Variants in ARHGAP42 observed in about 807,000 individuals in gnomAD.
ARHGAP42 encodes Rho GTPase activating protein 42.
ARHGAP42 carries 63 observed loss-of-function variants against 125.0 expected under a neutral mutation model. That is an observed-to-expected ratio of 0.50 (90% CI 0.41 to 0.62). The LOEUF (loss-of-function observed/expected upper bound fraction) is 0.62. Among genes scored for constraint, ARHGAP42 ranks in the 20% least tolerant of loss-of-function variants. The probability of loss-of-function intolerance (pLI) is 0.00; values close to 1 mark genes in which losing one functional copy is unlikely to be tolerated. For missense variants in ARHGAP42, 766 were observed against 1,024.2 expected (o/e 0.75, Z 3.44); for synonymous variants, 339 against 351.0 (o/e 0.97, Z 0.38).
chr11:100,778,669 T>TA (rs1214482821), intron 2 of ARHGAP42, among the ~76,000 whole-genome samples: 7 of 151,986 alleles, frequency 4.6e-5, no homozygotes, highest in South Asian at 2.1e-4. Context: ...GTTCCTCTCT[T>TA]AAAAAAAACA....
At chr11:100,980,789 T>A (rs1211520841) in intron 22 of ARHGAP42, among the ~76,000 whole-genome samples, 1 of 151,958 alleles carries the variant, frequency 6.6e-6, no homozygotes, top group Non-Finnish European at 1.5e-5. Flanking sequence ...CAGGCTGGTC[T>A]TGAACTCCTG....
At chr11:100,868,506 A>G (rs769889812) in intron 4 of ARHGAP42, among the ~76,000 whole-genome samples, 6 of 152,234 alleles carry the variant, frequency 3.9e-5, no homozygotes, top group Non-Finnish European at 7.4e-5. Context: ...ACTGAAGTGC[A>G]AAGAAGTTAA....
At chr11:100,722,741 G>T (rs373670716) in intron 1 of ARHGAP42, among the ~76,000 whole-genome samples, 1 of 152,174 alleles carries the variant, frequency 6.6e-6, no homozygotes. Context: ...TTTACTTCCA[G>T]TCTACAGCTT....
chr11:100,697,404 C>G (rs1051614177), intron 1 of ARHGAP42, among the ~76,000 whole-genome samples: 2 of 151,952 alleles, frequency 1.3e-5, no homozygotes, highest in Admixed American at 6.6e-5. Context: ...GGATGGTCTC[C>G]ATCTCCTGAC....
chr11:100,811,827 T>G (rs942457501), intron 3 of ARHGAP42, among the ~76,000 whole-genome samples: 18 of 152,168 alleles, frequency 1.2e-4, no homozygotes, highest in Admixed American at 1.0e-3. Context: ...TTGTCTTCTG[T>G]GACTGTATAC....
chr11:100,785,382 C>T (rs1201667005), intron 2 of ARHGAP42, among the ~76,000 whole-genome samples: 1 of 152,154 alleles, frequency 6.6e-6, no homozygotes, highest in Non-Finnish European at 1.5e-5. Context: ...TTTAGATAAC[C>T]ACTGTGGGAA....
intron 3 of ARHGAP42, among the ~76,000 whole-genome samples, chr11:100,838,742 TG>T (rs1864874724): frequency 2.0e-5 from 3 of 151,752 alleles, no homozygotes; most frequent in Non-Finnish European, 4.4e-5. Context: ...AAAATCATAG[TG>T]TTTAAAAAAA....
At chr11:100,984,885 A>G (rs1858635392) in intron 22 of ARHGAP42, among the ~76,000 whole-genome samples, 1 of 152,186 alleles carries the variant, frequency 6.6e-6, no homozygotes, top group Non-Finnish European at 1.5e-5. Flanking sequence ...ACCTGAGGAA[A>G]CTTCACTGTT....
At position 100,961,669 on chromosome 11, in the gene ARHGAP42, T is replaced by A. The variant is rs1857959067; in HGVS notation, c.1301-15T>A. On this transcript the variant is annotated splice_polypyrimidine_tract_variant and intron_variant, in intron 14 of 23. Transcript: ENST00000298815. ...TGAACTGCACAATTTAAACACCTTG[T>A]TTTATTCTTTCCAGCTCCTAAATCC... The A allele has an allele frequency of 1.3e-6, 2 of 1,548,940 alleles. No homozygotes were observed. The highest frequency in any genetic ancestry group is 1.7e-6 in the Non-Finnish European group (2 of 1,145,092).
At chr11:100,986,427 C>A in intron 22 of ARHGAP42, 1 of 212,710 alleles carries the variant, frequency 4.7e-6, no homozygotes, top group South Asian at 6.9e-5. Flanking sequence ...AGAGCAGAGG[C>A]AGGGACACAA....
chr11:100,841,455 A>AGG (rs1864945529), intron 3 of ARHGAP42, among the ~76,000 whole-genome samples: 2 of 152,144 alleles, frequency 1.3e-5, no homozygotes, highest in Non-Finnish European at 2.9e-5. Flanking sequence ...TAACACTTTT[A>AGG]TGAATAGCAA....
chr11:100,902,634 C>T (rs1438123583), intron 4 of ARHGAP42, among the ~76,000 whole-genome samples: 1 of 152,048 alleles, frequency 6.6e-6, no homozygotes, highest in Non-Finnish European at 1.5e-5. Flanking sequence ...TATCCTGATA[C>T]TCAGATCTGG....
intron 3 of ARHGAP42, among the ~76,000 whole-genome samples, chr11:100,837,687 T>A (rs1236922684): frequency 9.5e-5 from 13 of 136,198 alleles, no homozygotes; most frequent in Non-Finnish European, 1.8e-4. Flanking sequence ...TTTTTTTTTT[T>A]TTTTTTTTTT....
At chr11:100,741,264 C>G (rs1399531148) in intron 1 of ARHGAP42, among the ~76,000 whole-genome samples, 1 of 152,292 alleles carries the variant, frequency 6.6e-6, no homozygotes, top group African/African-American at 2.4e-5. Context: ...CTCCTGACCT[C>G]AAGTGATCCA....
chr11:100,790,833 G>A (rs1204290092), intron 2 of ARHGAP42, among the ~76,000 whole-genome samples: 1 of 152,128 alleles, frequency 6.6e-6, no homozygotes, highest in Admixed American at 6.6e-5. Flanking sequence ...ACCAGCTGTT[G>A]TGTTACATGT....
intron 4 of ARHGAP42, among the ~76,000 whole-genome samples, chr11:100,907,045 C>A (rs749652114): frequency 6.6e-6 from 1 of 152,184 alleles, no homozygotes; most frequent in Non-Finnish European, 1.5e-5. Context: ...ATATATGTCC[C>A]TTAGTAGTGC....
At chr11:100,734,793 C>T (rs1435121974) in intron 1 of ARHGAP42, among the ~76,000 whole-genome samples, 1 of 152,174 alleles carries the variant, frequency 6.6e-6, no homozygotes, top group Non-Finnish European at 1.5e-5. Context: ...GATGTGGTGG[C>T]AGAACAAGCT....
At chr11:100,758,747 A>G (rs1444053636) in intron 1 of ARHGAP42, among the ~76,000 whole-genome samples, 1 of 152,202 alleles carries the variant, frequency 6.6e-6, no homozygotes, top group Non-Finnish European at 1.5e-5. Context: ...GCTCAGCACA[A>G]TGATCTTATG....
chr11:100,772,620 C>T (rs1863009727), intron 2 of ARHGAP42, among the ~76,000 whole-genome samples: 2 of 152,136 alleles, frequency 1.3e-5, no homozygotes, highest in South Asian at 2.1e-4. Context: ...GGAAGGGCAG[C>T]ATTAGGGATC....
Sources: gnomAD v4.1 joint callset for allele counts (sites outside exome capture counted in the v4.1 genomes callset) on GRCh38, gnomAD v4.1.1 for gene constraint, MANE v1.5 for transcripts, NCBI Gene and HGNC (gene_info 2026-07-23, HGNC 2026-07-21) for gene names.